The following APLF variants were observed in gnomAD, a reference collection of about 807,000 sequenced individuals.
APLF encodes aprataxin and PNKP like factor, also known as aprataxin and PNK-like factor.
A neutral mutation model predicts 55.6 loss-of-function variants in APLF; 61 were observed. The observed-to-expected ratio is 1.10, with a 90% confidence interval of 0.89 to 1.36. The LOEUF (loss-of-function observed/expected upper bound fraction) is 1.36, where lower values mean the gene tolerates loss of function less well. APLF is among the 40% of genes most tolerant of loss of function. APLF has a pLI of 0.00. For missense variants in APLF, 611 were observed against 602.5 expected (o/e 1.01, Z -0.15); for synonymous variants, 207 against 214.8 (o/e 0.96, Z 0.32).
intron 5 of APLF, among the ~76,000 whole-genome samples, chr2:68,515,334 T>C (rs561300221): frequency 6.6e-6 from 1 of 151,744 alleles, no homozygotes; most frequent in East Asian, 1.9e-4. Context: ...TGTGTATGTG[T>C]TGATCCTCAA....
chr2:68,480,619 T>G lies in APLF; in HGVS notation c.97-9571T>G, dbSNP rs6741999. 8.7e-3 allele frequency among the ~76,000 whole-genome samples: 1,321 copies of G among 152,074 alleles called. 19 individuals are homozygous for G. The highest frequency in any genetic ancestry group is 0.03 in the African/African-American group (1,258 of 41,490). On this transcript the variant is annotated intron_variant, in intron 1 of 9. Transcript: ENST00000303795. ...GCCCGGCTGTTTTTTTTTTCTTACC[T>G]AATTGCTCTGGCTAGGACTAATAGT...
chr2:68,577,990 A>C lies in APLF; in HGVS notation c.1504A>C (p.Lys502Gln). ...EEKEDVEELL[K>Q]EAKRFMKRK ...GAAGGAAGATGTGGAAGAGCTTTTGAAAGAAGCAAAAAGGTTTATGAAAAG... is the reference window on the plus strand; with the variant it reads ...GAAGGAAGATGTGGAAGAGCTTTTGCAAGAAGCAAAAAGGTTTATGAAAAG... The change falls in exon 10 of 10, where the codon AAA becomes CAA. Residue 502 changes from lysine (K) to glutamine (Q), a missense_variant. Physicochemically the swap from Lys to Gln is moderately conservative, Grantham distance 53 (BLOSUM62 1). Coordinates refer to ENST00000303795, the MANE Select transcript of APLF (RefSeq NM_173545.3). 3 of 1,613,204 alleles carry C rather than the reference A, an allele frequency of 1.9e-6. No homozygotes were observed. Among genetic ancestry groups the C allele is most frequent in the Non-Finnish European group, 2.5e-6 (3 of 1,179,566 alleles).
chr2:68,556,084 G>A lies in APLF; in HGVS notation c.1286+10772G>A, dbSNP rs189120036. ...GAGATTGGAGACTATTATTCTAAGT[G>A]AAGTATCTCAGGAATGGAAAACCAA... is the stretch of plus-strand genomic sequence containing the variant. On this transcript the variant is annotated intron_variant, in intron 8 of 9. Coordinates refer to ENST00000303795, the MANE Select transcript of APLF (RefSeq NM_173545.3). Among the ~76,000 whole-genome samples, 653 of 152,308 alleles carry A rather than the reference G, an allele frequency of 4.3e-3. 2 individuals are homozygous for A. Among genetic ancestry groups the A allele is most frequent in the Non-Finnish European group, 5.9e-3 (403 of 68,024 alleles).
intron 1 of APLF, among the ~76,000 whole-genome samples, chr2:68,476,650 G>A (rs1675785027): frequency 6.6e-6 from 1 of 151,804 alleles, no homozygotes; most frequent in South Asian, 2.1e-4. Flanking sequence ...TGTATATATT[G>A]TGCAATAGTT....
intron 1 of APLF, among the ~76,000 whole-genome samples, chr2:68,475,644 C>G (rs1353849703): frequency 6.6e-6 from 1 of 152,148 alleles, no homozygotes; most frequent in Non-Finnish European, 1.5e-5. Context: ...TTCTTAACAT[C>G]AGAAGTTGGA....
rs1025072904 is a variant in APLF at position 68,489,406 on chromosome 2, A to G, written c.97-784A>G. On this transcript the variant is annotated intron_variant, in intron 1 of 9. Coordinates refer to ENST00000303795, the MANE Select transcript of APLF (RefSeq NM_173545.3). ...GGTGCTTAACATGTTTTCATTATCT[A>G]TCAATCAACCACAAATAAAAAAGGC... Among the ~76,000 whole-genome samples, 8 of 152,350 alleles carry G rather than the reference A, an allele frequency of 5.3e-5. No individual in the cohort carries two copies. The South Asian group carries it at 6.2e-4, about 12-fold the overall frequency.
rs1669472596 is a variant in APLF at position 68,513,532 on chromosome 2, A to G, written c.490-16A>G. 6 of 1,607,554 alleles carry G rather than the reference A, an allele frequency of 3.7e-6. No homozygotes were observed. The highest frequency in any genetic ancestry group is 1.3e-5 in the African/African-American group (1 of 74,392). ...GATGTGTGATTATTTTTAGTAATTT[A>G]TAGGTGTCTTTTTAGTCTTTCCTAG... is the stretch of plus-strand genomic sequence containing the variant. On this transcript the variant is annotated splice_polypyrimidine_tract_variant and intron_variant, in intron 4 of 9. Coordinates refer to ENST00000303795, the MANE Select transcript of APLF (RefSeq NM_173545.3).
At chr2:68,552,529 C>G (rs888964519) in intron 8 of APLF, among the ~76,000 whole-genome samples, 1 of 152,096 alleles carries the variant, frequency 6.6e-6, no homozygotes, top group Non-Finnish European at 1.5e-5. Flanking sequence ...TCATTGCTCT[C>G]ACAATTCTGT....
rs751394144 is a variant in APLF at position 68,488,289 on chromosome 2, G to A, written c.97-1901G>A. 8.6e-5 allele frequency among the ~76,000 whole-genome samples: 13 copies of A among 150,326 alleles called. No homozygotes were observed. In the South Asian group the frequency reaches 2.5e-3, roughly 29 times the overall value. On this transcript the variant is annotated intron_variant, in intron 1 of 9. Coordinates refer to ENST00000303795, the MANE Select transcript of APLF (RefSeq NM_173545.3). Reference sequence around the variant, plus strand: ...TGAAATTACTTTTGAATGATTACATGTAGGTACAGTCATGTATAAATGTGT... The same window carrying A: ...TGAAATTACTTTTGAATGATTACATATAGGTACAGTCATGTATAAATGTGT...
At chr2:68,476,884 A>G (rs1675792790) in intron 1 of APLF, among the ~76,000 whole-genome samples, 1 of 152,160 alleles carries the variant, frequency 6.6e-6, no homozygotes, top group Non-Finnish European at 1.5e-5. Flanking sequence ...TTTGAACGGC[A>G]TAGGTCCACT....
chr2:68,515,493 A>C (rs1669555968), intron 5 of APLF: 1 of 791,510 alleles, frequency 1.3e-6, no homozygotes, highest in Non-Finnish European at 1.5e-6. Context: ...TTCTTTCAGA[A>C]TTGTTTTGTA....
At chr2:68,557,896 A>G (rs767599195) in intron 8 of APLF, among the ~76,000 whole-genome samples, 37 of 151,160 alleles carry the variant, frequency 2.4e-4, no homozygotes, top group Non-Finnish European at 4.0e-4. Context: ...GGGCGATAGA[A>G]TGAGACTCCA....
intron 1 of APLF, among the ~76,000 whole-genome samples, chr2:68,468,640 C>T (rs1233515633): frequency 6.6e-6 from 1 of 152,166 alleles, no homozygotes; most frequent in Non-Finnish European, 1.5e-5. Context: ...TTGCATATTG[C>T]ATTCTGGAAT....
intron 8 of APLF, among the ~76,000 whole-genome samples, chr2:68,563,918 A>G (rs569493829): frequency 2.1e-3 from 314 of 152,200 alleles, no homozygotes; most frequent in African/African-American, 7.2e-3. Context: ...TTAACACTTG[A>G]AAAATCTTGA....
At chr2:68,537,812 G>A in intron 6 of APLF, 60 bp from the exon 7 acceptor site, 2 of 1,250,122 alleles carry the variant, frequency 1.6e-6, no homozygotes, top group Non-Finnish European at 2.2e-6. Flanking sequence ...GTGCTGTTAT[G>A]CTCATATCTT....
At chr2:68,516,552 A>G (rs188038483) in intron 5 of APLF, among the ~76,000 whole-genome samples, 73 of 151,316 alleles carry the variant, frequency 4.8e-4, no homozygotes, top group African/African-American at 1.7e-3. Flanking sequence ...CGAGCAGTGT[A>G]CACTGTACCC....
intron 5 of APLF, chr2:68,515,785 A>G: frequency 1.1e-6 from 1 of 949,172 alleles, no homozygotes; most frequent in Non-Finnish European, 1.3e-6. Context: ...TTATAAGAAC[A>G]AGATTAGGTT....
In APLF at chr2:68,579,931, C is replaced by A; in HGVS notation, c.*1909C>A. On this transcript the variant is annotated 3_prime_UTR_variant, in exon 10 of 10. Transcript: ENST00000303795. ...TTGTACACTTTCAAAGGGTAGATTT[C>A]ATTGCACGTGAACTATATATTTCAA... is the stretch of plus-strand genomic sequence containing the variant. The A allele has an allele frequency of 1.4e-6, 1 of 699,494 alleles. No individual in the cohort carries two copies. The highest frequency in any genetic ancestry group is 1.8e-6 in the Non-Finnish European group (1 of 569,420). 43.3% of individuals were successfully genotyped at this position (699,494 alleles called of 1,614,324 possible). A position where few individuals can be genotyped will look rare whatever the true frequency, so the allele number is the denominator to read the frequency against.
Position 68,537,859 on chromosome 2 carries a change from A to T in APLF, c.805-13A>T. 6.6e-7 allele frequency: 1 copy of T among 1,514,246 alleles called. No individual in the cohort carries two copies. The highest frequency in any genetic ancestry group is 2.1e-5 in the Admixed American group (1 of 47,580). 93.8% of individuals were successfully genotyped at this position (1,514,246 alleles called of 1,614,324 possible). A position where few individuals can be genotyped will look rare whatever the true frequency, so the allele number is the denominator to read the frequency against. On this transcript the variant is annotated splice_polypyrimidine_tract_variant and intron_variant, in intron 6 of 9. Coordinates refer to ENST00000303795, the MANE Select transcript of APLF (RefSeq NM_173545.3). ...TTCATTTATTTCTGATGTTTTTCAT[A>T]TTTGTTTTACAGGAAATGCCACAAT...
Sources: allele counts gnomAD v4.1 joint callset (sites outside exome capture counted in the v4.1 genomes callset), GRCh38; gene constraint gnomAD v4.1.1; transcripts MANE v1.5; gene names NCBI Gene and HGNC (gene_info 2026-07-23, HGNC 2026-07-21).